The following TRHDE variants were observed in gnomAD, a reference collection of about 807,000 sequenced individuals.
TRHDE encodes the protein thyrotropin releasing hormone degrading enzyme.
Under a neutral mutation model 125.7 loss-of-function variants are expected in TRHDE, and 72 were observed. That is an observed-to-expected ratio of 0.57 (90% CI 0.47 to 0.70). TRHDE has a LOEUF of 0.70. Ranked by LOEUF, TRHDE falls within the 30% of genes least tolerant of loss-of-function variation. The pLI, the probability that TRHDE is intolerant of heterozygous loss-of-function variation, is 0.00. For synonymous variants in TRHDE, 509 were observed against 509.1 expected (o/e 1.00, Z 0.00); for missense variants, 1,110 against 1,327.1 (o/e 0.84, Z 2.54).
At chr12:72,579,327 T>C (rs931746404) in intron 12 of TRHDE, among the ~76,000 whole-genome samples, 6 of 152,110 alleles carry the variant, frequency 3.9e-5, no homozygotes, top group African/African-American at 1.4e-4. Context: ...GCAAAAGTGA[T>C]TTTATAAAAG....
chr12:72,521,227 A>G (rs1328137596), intron 6 of TRHDE, among the ~76,000 whole-genome samples: 1 of 152,218 alleles, frequency 6.6e-6, no homozygotes, highest in African/African-American at 2.4e-5. Flanking sequence ...TTCCTACAAA[A>G]CCAGTCTCAT....
chr12:72,173,791 A>G (rs1592469728), intron 2 of TRHDE, among the ~76,000 whole-genome samples: 1 of 152,154 alleles, frequency 6.6e-6, no homozygotes, highest in South Asian at 2.1e-4. Context: ...GCGCGCGCAC[A>G]CACACACACA....
chr12:72,475,588 A>G (rs184368941), intron 5 of TRHDE, among the ~76,000 whole-genome samples: 1 of 152,132 alleles, frequency 6.6e-6, no homozygotes, highest in Non-Finnish European at 1.5e-5. Context: ...TATCAGTTAC[A>G]TTGTAAATAT....
At chr12:72,122,176 C>T (rs2139302105) in intron 2 of TRHDE, among the ~76,000 whole-genome samples, 1 of 152,222 alleles carries the variant, frequency 6.6e-6, no homozygotes, top group Admixed American at 6.5e-5. Flanking sequence ...CCCATATTTT[C>T]TTCTGTGCTA....
At chr12:72,500,860 T>TG (rs1305181566) in intron 6 of TRHDE, among the ~76,000 whole-genome samples, 1 of 149,176 alleles carries the variant, frequency 6.7e-6, no homozygotes, top group Non-Finnish European at 1.5e-5. Flanking sequence ...TTTTTTTTTT[T>TG]TTTTTTTTTT....
At chr12:72,316,786 C>T (rs564500479) in intron 2 of TRHDE, among the ~76,000 whole-genome samples, 1 of 152,254 alleles carries the variant, frequency 6.6e-6, no homozygotes, top group South Asian at 2.1e-4. Flanking sequence ...GATTAAGTGA[C>T]TCTGTAGTCT....
intron 2 of TRHDE, among the ~76,000 whole-genome samples, chr12:72,302,226 T>G (rs1158617040): frequency 7.4e-6 from 1 of 135,992 alleles, no homozygotes; most frequent in African/African-American, 2.8e-5. Flanking sequence ...TTTCTATGAT[T>G]ATTATCTATG....
intron 10 of TRHDE, among the ~76,000 whole-genome samples, chr12:72,570,999 T>G (rs1414770542): frequency 4.5e-5 from 5 of 111,678 alleles, no homozygotes; most frequent in Middle Eastern, 5.1e-3. Context: ...GAAAATTTTG[T>G]AAATACAAAA....
At chr12:72,287,551 C>T (rs1409782387) in intron 2 of TRHDE, among the ~76,000 whole-genome samples, 6 of 151,026 alleles carry the variant, frequency 4.0e-5, no homozygotes, top group African/African-American at 1.5e-4. Context: ...GCATATTATC[C>T]TACGATTATT....
At chr12:72,181,464 C>T (rs947337923) in intron 2 of TRHDE, among the ~76,000 whole-genome samples, 1 of 152,140 alleles carries the variant, frequency 6.6e-6, no homozygotes, top group African/African-American at 2.4e-5. Context: ...GCTAACCAAA[C>T]CAGCTCACTT....
chr12:72,401,651 T>C (rs1189666042), intron 3 of TRHDE, among the ~76,000 whole-genome samples: 2 of 152,228 alleles, frequency 1.3e-5, no homozygotes, highest in African/African-American at 4.8e-5. Flanking sequence ...CATTTAAACA[T>C]CTATGTAAAT....
At chr12:72,600,599 T>G (rs926705847) in intron 12 of TRHDE, among the ~76,000 whole-genome samples, 2 of 152,064 alleles carry the variant, frequency 1.3e-5, no homozygotes, top group Non-Finnish European at 2.9e-5. Context: ...AATTTTGTTT[T>G]CTAAAACTTT....
chr12:72,240,357 A>C (rs1878453190), intron 2 of TRHDE, among the ~76,000 whole-genome samples: 1 of 148,982 alleles, frequency 6.7e-6, no homozygotes, highest in Admixed American at 6.7e-5. Flanking sequence ...ATTTGTGTAT[A>C]TATATATTTG....
At chr12:72,597,713 GTATATATATA>G (rs762515309) in intron 12 of TRHDE, among the ~76,000 whole-genome samples, 352 of 18,476 alleles carry the variant, frequency 0.019, 18 homozygotes, top group East Asian at 0.05. Flanking sequence ...GTGTGTGTAT[GTATATATATA>G]TATATATATA....
At chr12:72,129,381 G>T (rs1183031979) in intron 2 of TRHDE, among the ~76,000 whole-genome samples, 2 of 151,278 alleles carry the variant, frequency 1.3e-5, no homozygotes, top group Non-Finnish European at 3.0e-5. Flanking sequence ...TTGTGTAGAT[G>T]CCTTAAACTA....
At chr12:72,253,911 G>A (rs1026418843) in intron 2 of TRHDE, 1 of 151,838 alleles carries the variant, frequency 6.6e-6, no homozygotes, top group African/African-American at 2.4e-5. Context: ...CAGTCATGAA[G>A]TATTATAAAT....
chr12:72,093,582 C>A (rs781606399), intron 1 of TRHDE, among the ~76,000 whole-genome samples: 3 of 151,954 alleles, frequency 2.0e-5, no homozygotes, highest in Non-Finnish European at 4.4e-5. Flanking sequence ...TTAATTCTTT[C>A]TTCTTCAGAT....
chr12:72,445,117 G>A (rs1875214091), intron 3 of TRHDE, among the ~76,000 whole-genome samples: 1 of 151,540 alleles, frequency 6.6e-6, no homozygotes, highest in South Asian at 2.1e-4. Flanking sequence ...CAATGACCAA[G>A]AATTCACTGA....
At chr12:72,238,319 T>C (rs12321775) in intron 2 of TRHDE, among the ~76,000 whole-genome samples, 617 of 28,660 alleles carry the variant, frequency 0.022, 58 homozygotes, top group Non-Finnish European at 0.03. Context: ...TATATATATA[T>C]ATACATATAT....
Sources: allele counts gnomAD v4.1 joint callset (sites outside exome capture counted in the v4.1 genomes callset), GRCh38; gene constraint gnomAD v4.1.1; transcripts MANE v1.5; gene names NCBI Gene and HGNC (gene_info 2026-07-23, HGNC 2026-07-21).